Variants in CEP63 observed in about 807,000 individuals in gnomAD.
CEP63 encodes the protein centrosomal protein of 63 kDa.
Under a neutral mutation model 89.1 loss-of-function variants are expected in CEP63, and 84 were observed. The ratio of observed to expected loss-of-function variants is 0.94; its 90% confidence interval spans 0.79 to 1.13. CEP63 has a LOEUF of 1.13. Among genes scored for constraint, CEP63 ranks in the 50% most tolerant of loss-of-function variants. The pLI is 0.00. For missense variants in CEP63, 838 were observed against 813.3 expected, an observed-to-expected ratio of 1.03 and a Z score of -0.37; for synonymous variants, 267 against 272.5, an observed-to-expected ratio of 0.98 and a Z score of 0.20.
the CEP63 span, among the ~76,000 whole-genome samples, chr3:134,623,247 G>A: frequency 6.6e-6 from 1 of 152,152 alleles, no homozygotes. Context: ...TCCTGGCACT[G>A]TTCTCTGAGT....
chr3:134,644,607 A>T, the CEP63 span, among the ~76,000 whole-genome samples: 1 of 152,166 alleles, frequency 6.6e-6, no homozygotes, highest in Non-Finnish European at 1.5e-5. Context: ...ACTGGAAGTG[A>T]CCAATGGGAC....
chr3:134,607,841 C>T, the CEP63 span: 8 of 987,946 alleles, frequency 8.1e-6, no homozygotes, highest in Admixed American at 1.2e-4. Flanking sequence ...GGCTGGGTCC[C>T]GCCTCCAGAA....
chr3:134,573,160 A>T (rs1251369350), intron 11 of CEP63, among the ~76,000 whole-genome samples: 1 of 152,028 alleles, frequency 6.6e-6, no homozygotes, highest in African/African-American at 2.4e-5. Context: ...CTGGATATTA[A>T]ATCTTTGTCA....
the CEP63 span, chr3:134,643,503 A>C: frequency 1.4e-6 from 1 of 698,164 alleles, no homozygotes; most frequent in Non-Finnish European, 2.5e-6. Context: ...CCAGGCCTAA[A>C]TGTGTGCACA....
chr3:134,653,991 G>A, the CEP63 span, among the ~76,000 whole-genome samples: 1 of 152,180 alleles, frequency 6.6e-6, no homozygotes, highest in African/African-American at 2.4e-5. Flanking sequence ...CAAACCAGGG[G>A]CTTTCTCCAT....
intron 3 of CEP63, among the ~76,000 whole-genome samples, chr3:134,526,649 A>G (rs1203742347): frequency 6.6e-6 from 1 of 152,064 alleles, no homozygotes; most frequent in Non-Finnish European, 1.5e-5. Flanking sequence ...GAGAAGTGAT[A>G]TGGTTGTTTG....
At chr3:134,646,118 C>T in the CEP63 span, among the ~76,000 whole-genome samples, 1 of 152,202 alleles carries the variant, frequency 6.6e-6, no homozygotes, top group Non-Finnish European at 1.5e-5. Context: ...CTTCCATGCC[C>T]TGCATGGCCA....
chr3:134,750,189 G>A, the CEP63 span, among the ~76,000 whole-genome samples: 1 of 152,188 alleles, frequency 6.6e-6, no homozygotes, highest in Non-Finnish European at 1.5e-5. Flanking sequence ...TTCAGGCAGG[G>A]CATTTTTATC....
At position 134,514,165 on chromosome 3, in the gene CEP63, T is replaced by TA. The variant is rs994558751; in HGVS notation, c.222+6887dup. Among the ~76,000 whole-genome samples, 14 of 151,944 alleles carry TA rather than the reference T, an allele frequency of 9.2e-5. No individual in the cohort carries two copies. In the East Asian group the frequency reaches 9.6e-4, roughly 10 times the overall value. ...CATTTCGAAAAAGAATTAAAAACTG[T>TA]AAAAAAAATGAGTGGAAATTTTAGA... is the stretch of plus-strand genomic sequence containing the variant. On this transcript the variant is annotated intron_variant, in intron 3 of 14. Transcript: ENST00000675561.
the CEP63 span, among the ~76,000 whole-genome samples, chr3:134,645,221 G>C: frequency 2.1e-4 from 32 of 152,306 alleles, no homozygotes; most frequent in East Asian, 6.2e-3. Flanking sequence ...CTATTGGGGT[G>C]GGGTAGGAGG....
the CEP63 span, among the ~76,000 whole-genome samples, chr3:134,743,302 A>G: frequency 6.6e-6 from 1 of 152,186 alleles, no homozygotes; most frequent in Non-Finnish European, 1.5e-5. Flanking sequence ...GCAGCCCAAG[A>G]TGCAGTGGCC....
chr3:134,545,291 C>T (rs568900747), intron 6 of CEP63, among the ~76,000 whole-genome samples: 4 of 152,012 alleles, frequency 2.6e-5, no homozygotes, highest in South Asian at 4.2e-4. Flanking sequence ...CCACTGCACC[C>T]GGCCAATTTT....
the CEP63 span, among the ~76,000 whole-genome samples, chr3:134,762,802 G>C: frequency 9.6e-4 from 146 of 152,294 alleles, no homozygotes; most frequent in African/African-American, 3.2e-3. Context: ...AGCAGTTCTG[G>C]CAAATGAATA....
chr3:134,708,554 G>A, the CEP63 span, among the ~76,000 whole-genome samples: 5 of 152,182 alleles, frequency 3.3e-5, no homozygotes, highest in African/African-American at 9.7e-5. Flanking sequence ...TTCCATCACA[G>A]CACAAACACA....
intron 3 of CEP63, among the ~76,000 whole-genome samples, chr3:134,515,021 T>C (rs1291457706): frequency 6.6e-6 from 1 of 152,208 alleles, no homozygotes; most frequent in African/African-American, 2.4e-5. Context: ...CAGCTAACGG[T>C]AATTGCCTTT....
intron 1 of CEP63, among the ~76,000 whole-genome samples, chr3:134,493,845 T>TA (rs552780247): frequency 1.3e-5 from 2 of 152,330 alleles, no homozygotes; most frequent in South Asian, 4.1e-4. Context: ...ATCTACTTCT[T>TA]ACAGCAGTAT....
chr3:134,718,436 G>A, the CEP63 span, among the ~76,000 whole-genome samples: 2 of 152,154 alleles, frequency 1.3e-5, no homozygotes, highest in Non-Finnish European at 2.9e-5. Context: ...ATTTGTGTTT[G>A]ATTTCTGAGT....
chr3:134,617,720 G>A, the CEP63 span, among the ~76,000 whole-genome samples: 38 of 152,332 alleles, frequency 2.5e-4, no homozygotes, highest in African/African-American at 8.9e-4. Context: ...CAACTGGGCT[G>A]GGGGTACAAA....
chr3:134,597,642 C>T, the CEP63 span, among the ~76,000 whole-genome samples: 1 of 152,220 alleles, frequency 6.6e-6, no homozygotes, highest in Admixed American at 6.5e-5. Flanking sequence ...GATGGTTTCT[C>T]TAGGGCCTGG....
Sources: allele counts gnomAD v4.1 joint callset (sites outside exome capture counted in the v4.1 genomes callset), GRCh38; gene constraint gnomAD v4.1.1; transcripts MANE v1.5; gene names NCBI Gene and HGNC (gene_info 2026-07-23, HGNC 2026-07-21).